Variants in STOM observed in about 807,000 individuals in gnomAD.
The protein encoded by STOM is erythrocyte band 7 integral membrane protein.
STOM carries 25 observed loss-of-function variants against 30.6 expected under a neutral mutation model. That is an observed-to-expected ratio of 0.82 (90% CI 0.60 to 1.14). The LOEUF (loss-of-function observed/expected upper bound fraction) is 1.14. Among genes scored for constraint, STOM ranks in the 50% most tolerant of loss-of-function variants. STOM has a pLI of 0.00. For missense variants in STOM, 292 were observed against 365.2 expected, an observed-to-expected ratio of 0.80 and a Z score of 1.63; for synonymous variants, 118 against 130.8, an observed-to-expected ratio of 0.90 and a Z score of 0.67.
intron 1 of STOM, among the ~76,000 whole-genome samples, chr9:121,366,718 A>G (rs899125904): frequency 1.3e-5 from 2 of 152,230 alleles, no homozygotes; most frequent in Admixed American, 6.5e-5. Flanking sequence ...TTTTCTTTGA[A>G]CAAATGTTTT....
At chr9:121,351,834 A>T (rs987476164) in intron 4 of STOM, among the ~76,000 whole-genome samples, 2 of 152,260 alleles carry the variant, frequency 1.3e-5, no homozygotes, top group African/African-American at 4.8e-5. Context: ...TAGTTTGAAA[A>T]GGCACAAAAT....
chr9:121,357,735 G>T (rs1297917631), intron 1 of STOM, among the ~76,000 whole-genome samples: 1 of 151,868 alleles, frequency 6.6e-6, no homozygotes. Context: ...ACTGCGCCCG[G>T]CCTTAAATCA....
intron 1 of STOM, chr9:121,369,781 G>A: frequency 3.4e-6 from 1 of 292,198 alleles, no homozygotes; most frequent in Non-Finnish European, 6.4e-6. Context: ...GTGGGGTCCC[G>A]GTCCCCGCCT....
At chr9:121,356,003 A>T in intron 2 of STOM, 50 bp downstream of exon 2, 1 of 1,453,654 alleles carries the variant, frequency 6.9e-7, no homozygotes, top group South Asian at 1.2e-5. Flanking sequence ...AAGTAGGTTT[A>T]TGGAGGTAGG....
At position 121,340,440 on chromosome 9, in the gene STOM, A is replaced by T; in HGVS notation, c.*762T>A. On this transcript the variant is annotated 3_prime_UTR_variant, in exon 7 of 7. Transcript: ENST00000286713. ...AAATGAACATTAGGGAAATTTCCTT[A>T]ATTAAGACTCTCCAAACCAGGTGTG... 1.0e-6 allele frequency: 1 copy of T among 985,402 alleles called. No individual in the cohort carries two copies. 61.0% of individuals were successfully genotyped at this position (985,402 alleles called of 1,614,324 possible).
chr9:121,363,081 G>GT (rs1459990956), intron 1 of STOM, among the ~76,000 whole-genome samples: 1 of 152,190 alleles, frequency 6.6e-6, no homozygotes, highest in Non-Finnish European at 1.5e-5. Flanking sequence ...GAATCTGACT[G>GT]TGAGTCATAA....
chr9:121,339,935 G>A lies in STOM; in HGVS notation c.*1267C>T, dbSNP rs1439729812. On this transcript the variant is annotated 3_prime_UTR_variant, in exon 7 of 7. Coordinates refer to ENST00000286713, the MANE Select transcript of STOM (RefSeq NM_004099.6). Reference sequence around the variant, plus strand: ...GAATTCCTTATACTATGTAATGAATGGGTTTGTAATCAACATATTTCACAG... The same window carrying A: ...GAATTCCTTATACTATGTAATGAATAGGTTTGTAATCAACATATTTCACAG... 1.9e-6 allele frequency: 2 copies of A among 1,048,406 alleles called. No individual in the cohort carries two copies. The highest frequency in any genetic ancestry group is 3.4e-5 in the African/African-American group (2 of 59,524). 64.9% of individuals were successfully genotyped at this position (1,048,406 alleles called of 1,614,324 possible).
chr9:121,348,933 TATGAACTC>T (rs1328270551), intron 5 of STOM, among the ~76,000 whole-genome samples, 179 bp downstream of exon 5: 23 of 152,190 alleles, frequency 1.5e-4, no homozygotes. Context: ...GCATGAGTGT[TATGAACTC>T]ATGAACTGCT....
In STOM at chr9:121,341,017, T is replaced by A. The variant is rs973315009; in HGVS notation, c.*185A>T. On this transcript the variant is annotated 3_prime_UTR_variant, in exon 7 of 7. Transcript: ENST00000286713. ...ATTTTAAGACTAACAGATTACCTTA[T>A]ATAAATCACCAATCTCTCAGTATTT... The A allele has an allele frequency of 7.7e-6, 11 of 1,434,272 alleles. No homozygotes were observed. Among genetic ancestry groups the A allele is most frequent in the African/African-American group, 2.9e-5 (2 of 69,596 alleles). 88.8% of individuals were successfully genotyped at this position (1,434,272 alleles called of 1,614,324 possible). A position where few individuals can be genotyped will look rare whatever the true frequency, so the allele number is the denominator to read the frequency against.
chr9:121,339,285 C>T lies in STOM; in HGVS notation c.*1917G>A, dbSNP rs442472. The T allele has an allele frequency of 0.68, 120,044 of 176,198 alleles. 41,426 individuals carry two copies. The highest frequency in any genetic ancestry group is 0.74 in the South Asian group (3,716 of 5,028). 10.9% of individuals were successfully genotyped at this position (176,198 alleles called of 1,614,324 possible). A position where few individuals can be genotyped will look rare whatever the true frequency, so the allele number is the denominator to read the frequency against. On this transcript the variant is annotated 3_prime_UTR_variant, in exon 7 of 7. Coordinates refer to ENST00000286713, the MANE Select transcript of STOM (RefSeq NM_004099.6). The stretch of plus-strand genomic sequence containing the variant: ...ACAGGAGAACTCAAGGAACCAAAAG[C>T]ACTGTTACTCTAAGTCTCAGAAAAG...
chr9:121,361,648 A>G (rs528273700), intron 1 of STOM, among the ~76,000 whole-genome samples: 1 of 152,220 alleles, frequency 6.6e-6, no homozygotes, highest in South Asian at 2.1e-4. Context: ...TCGGCCTCCC[A>G]AAGTGCTGGG....
chr9:121,348,848 C>T (rs1375421006), intron 5 of STOM, among the ~76,000 whole-genome samples: 4 of 152,084 alleles, frequency 2.6e-5, no homozygotes, highest in African/African-American at 4.8e-5. Flanking sequence ...GCAGAATAGC[C>T]TCTGTTCTAA....
chr9:121,342,124 C>T (rs2064251693), intron 6 of STOM, among the ~76,000 whole-genome samples: 1 of 152,260 alleles, frequency 6.6e-6, no homozygotes, highest in South Asian at 2.1e-4. Flanking sequence ...AATCCCAAAA[C>T]TTTGGGAGGC....
intron 1 of STOM, chr9:121,366,243 T>C: frequency 1.0e-6 from 1 of 985,402 alleles, no homozygotes; most frequent in Non-Finnish European, 1.2e-6. Context: ...GGAGTTCAAG[T>C]TTCTTTAGTA....
At chr9:121,370,021 C>T in intron 1 of STOM, 106 bp downstream of exon 1, 1 of 1,097,470 alleles carries the variant, frequency 9.1e-7, no homozygotes, top group African/African-American at 1.5e-5. Flanking sequence ...TCTCGCCCAG[C>T]CCGAAGCAGC....
intron 2 of STOM, 74 bp downstream of exon 2, chr9:121,355,979 C>A: frequency 9.3e-7 from 1 of 1,077,242 alleles, no homozygotes; most frequent in Non-Finnish European, 1.4e-6. Context: ...CTCACATACA[C>A]ACAGGCACAC....
In STOM at chr9:121,340,829, T is replaced by C; in HGVS notation, c.*373A>G. ...GCTGGTTGTGGTGTAAGGTCATCAC[T>C]TTCTGCAAAGCATTTAGCCAGTCAG... On this transcript the variant is annotated 3_prime_UTR_variant, in exon 7 of 7. Coordinates refer to ENST00000286713, the MANE Select transcript of STOM (RefSeq NM_004099.6). 1.9e-6 allele frequency: 2 copies of C among 1,080,446 alleles called. No individual in the cohort carries two copies. The highest frequency in any genetic ancestry group is 2.3e-6 in the Non-Finnish European group (2 of 886,380). The allele number at this position is 1,080,446 out of a possible 1,614,324, so 66.9% of individuals were successfully genotyped here. A position where few individuals can be genotyped will look rare whatever the true frequency, so the allele number is the denominator to read the frequency against.
intron 6 of STOM, among the ~76,000 whole-genome samples, chr9:121,342,639 T>C (rs773120781): frequency 6.6e-6 from 1 of 152,200 alleles, no homozygotes; most frequent in Admixed American, 6.5e-5. Flanking sequence ...ATATTTTTAA[T>C]GGATAACTAA....
At chr9:121,360,207 T>C (rs963973390) in intron 1 of STOM, among the ~76,000 whole-genome samples, 2 of 152,240 alleles carry the variant, frequency 1.3e-5, no homozygotes, top group African/African-American at 2.4e-5. Context: ...TCTAGCTAGA[T>C]ATGTCTTTTT....
Sources: allele counts gnomAD v4.1 joint callset (sites outside exome capture counted in the v4.1 genomes callset), GRCh38; gene constraint gnomAD v4.1.1; transcripts MANE v1.5; gene names NCBI Gene and HGNC (gene_info 2026-07-23, HGNC 2026-07-21).